PPP1R14C: variants seen among roughly 807,000 people sequenced by gnomAD.
PPP1R14C encodes the protein protein phosphatase 1 regulatory subunit 14C.
In PPP1R14C, 16 loss-of-function variants were observed where a neutral mutation model predicts 20.4. The observed-to-expected ratio is 0.78, with a 90% CI of 0.53 to 1.19. The LOEUF (loss-of-function observed/expected upper bound fraction) is 1.19. Ranked by LOEUF, PPP1R14C falls within the 50% of genes most tolerant of loss-of-function variation. The pLI is 0.00. For missense variants in PPP1R14C, 211 were observed against 220.1 expected (o/e 0.96, Z 0.26); for synonymous variants, 91 against 91.0 (o/e 1.00, Z 0.00).
At chr6:150,165,567 G>A (rs1362006611) in intron 1 of PPP1R14C, among the ~76,000 whole-genome samples, 1 of 152,152 alleles carries the variant, frequency 6.6e-6, no homozygotes, top group East Asian at 1.9e-4. Context: ...GCATAAAGTA[G>A]AACTAAAATA....
intron 2 of PPP1R14C, among the ~76,000 whole-genome samples, chr6:150,215,696 G>T (rs1159188789): frequency 2.6e-5 from 4 of 152,180 alleles, no homozygotes; most frequent in Non-Finnish European, 2.9e-5. Context: ...ATTTTAAAAA[G>T]ATAACGCAGG....
chr6:150,234,401 GAAAC>G (rs1181960719), intron 3 of PPP1R14C, among the ~76,000 whole-genome samples: 2 of 151,170 alleles, frequency 1.3e-5, no homozygotes, highest in African/African-American at 4.9e-5. Context: ...GGGCTCAAAA[GAAAC>G]AAACAACAAA....
Position 150,143,440 on chromosome 6 carries a change from A to G in PPP1R14C, c.248A>G (p.Lys83Arg), listed in dbSNP as rs771046477. 1 of 1,608,594 alleles carries G rather than the reference A, an allele frequency of 6.2e-7. No homozygotes were observed. The highest frequency in any genetic ancestry group is 8.5e-7 in the Non-Finnish European group (1 of 1,177,238). The part of the protein sequence containing the change: ...TVKYDRKELR[K>R]RLVLEEWIVE... ...AAATACGATCGTAAGGAGCTTCGGA[A>G]GCGGCTGGTGCTGGAGGAATGGATC... The change falls in exon 1 of 4, where the codon AAG becomes AGG. Residue 83 changes from lysine (K) to arginine (R), a missense_variant. By Grantham distance (26) the Lys-to-Arg change is conservative (BLOSUM62 2). Coordinates refer to ENST00000361131, the MANE Select transcript of PPP1R14C (RefSeq NM_030949.3). The surrounding 1 kb of genome is among the most constrained non-coding windows in gnomAD (Gnocchi z 5.6).
At chr6:150,243,232 A>G (rs1222535028) in intron 3 of PPP1R14C, among the ~76,000 whole-genome samples, 1 of 150,180 alleles carries the variant, frequency 6.7e-6, no homozygotes, top group Admixed American at 6.6e-5. Flanking sequence ...CCGGAGTGCA[A>G]TGGCACAATC....
intron 1 of PPP1R14C, among the ~76,000 whole-genome samples, chr6:150,148,755 A>G (rs1467684695): frequency 6.6e-6 from 1 of 152,232 alleles, no homozygotes; most frequent in Non-Finnish European, 1.5e-5. Flanking sequence ...CAACCTGTCA[A>G]CTACTAAGGA....
chr6:150,144,754 T>C (rs1436485908), intron 1 of PPP1R14C, among the ~76,000 whole-genome samples: 1 of 152,254 alleles, frequency 6.6e-6, no homozygotes, highest in East Asian at 1.9e-4. Context: ...TAATGAAGCT[T>C]GACTGTATGA....
rs1562280026 is a variant in PPP1R14C, at chr6:150,249,666, C to T, written c.*846C>T. 2.5e-6 allele frequency: 1 copy of T among 397,718 alleles called. No homozygotes were observed. The highest frequency in any genetic ancestry group is 4.4e-6 in the Non-Finnish European group (1 of 226,010). 24.6% of individuals were successfully genotyped at this position (397,718 alleles called of 1,614,324 possible). ...TATTTTGCATTGGAAAAAGGAAGCACTGTGTAGCAGTGAATTGTCTGCTTT... is the reference window on the plus strand; with the variant it reads ...TATTTTGCATTGGAAAAAGGAAGCATTGTGTAGCAGTGAATTGTCTGCTTT... On this transcript the variant is annotated 3_prime_UTR_variant, in exon 4 of 4. Transcript: ENST00000361131.
At chr6:150,179,282 T>G (rs751792448) in intron 1 of PPP1R14C, among the ~76,000 whole-genome samples, 1 of 152,086 alleles carries the variant, frequency 6.6e-6, no homozygotes, top group African/African-American at 2.4e-5. Flanking sequence ...TGCTAGCTAC[T>G]CAGGAGGCTG....
At chr6:150,216,970 G>T in intron 3 of PPP1R14C, 114 bp downstream of exon 3, 1 of 745,958 alleles carries the variant, frequency 1.3e-6, no homozygotes. Context: ...ATACCAATTA[G>T]CAATTATTAT....
chr6:150,236,286 G>A (rs1778359150), intron 3 of PPP1R14C, among the ~76,000 whole-genome samples: 1 of 151,060 alleles, frequency 6.6e-6, no homozygotes, highest in African/African-American at 2.5e-5. Context: ...AGTATGTGCT[G>A]TATCTGAGTC....
intron 1 of PPP1R14C, among the ~76,000 whole-genome samples, chr6:150,147,425 G>T (rs1029535509): frequency 2.0e-5 from 3 of 152,112 alleles, no homozygotes; most frequent in African/African-American, 7.2e-5. Context: ...TGATCCGACT[G>T]CCTCAGCCTC....
intron 1 of PPP1R14C, among the ~76,000 whole-genome samples, chr6:150,207,028 C>T (rs117612691): frequency 1.2e-4 from 19 of 152,118 alleles, no homozygotes; most frequent in East Asian, 9.7e-4. Context: ...CTATCCTCGT[C>T]TAATTTTTGT....
chr6:150,205,534 A>G (rs1174744988), intron 1 of PPP1R14C, among the ~76,000 whole-genome samples: 2 of 152,088 alleles, frequency 1.3e-5, no homozygotes, highest in East Asian at 3.9e-4. Flanking sequence ...TAAGAACAAA[A>G]TATATATATC....
intron 3 of PPP1R14C, among the ~76,000 whole-genome samples, chr6:150,239,393 T>C (rs1359273795): frequency 6.6e-6 from 1 of 152,186 alleles, no homozygotes; most frequent in African/African-American, 2.4e-5. Context: ...TTGATTACAG[T>C]GGAATTACAT....
chr6:150,245,378 G>A (rs934971729), intron 3 of PPP1R14C, among the ~76,000 whole-genome samples: 1 of 152,188 alleles, frequency 6.6e-6, no homozygotes, highest in African/African-American at 2.4e-5. Context: ...CTACTCCAGA[G>A]CCTCCAAGAG....
intron 1 of PPP1R14C, among the ~76,000 whole-genome samples, chr6:150,161,736 T>C (rs1777370833): frequency 1.3e-5 from 2 of 152,242 alleles, no homozygotes; most frequent in African/African-American, 2.4e-5. Context: ...TTTAACAGAC[T>C]CTACTTATTT....
chr6:150,194,449 A>G, intron 1 of PPP1R14C: 1 of 983,262 alleles, frequency 1.0e-6, no homozygotes, highest in Non-Finnish European at 1.2e-6. Context: ...ACAGGATTTT[A>G]AGTGGCATGT....
intron 1 of PPP1R14C, among the ~76,000 whole-genome samples, chr6:150,213,604 G>A (rs1022111633): frequency 2.6e-5 from 4 of 152,234 alleles, no homozygotes; most frequent in Admixed American, 6.5e-5. Context: ...GAGTTGGGCT[G>A]CCATGACTCC....
chr6:150,242,461 G>C (rs1582936030), intron 3 of PPP1R14C, among the ~76,000 whole-genome samples: 1 of 147,752 alleles, frequency 6.8e-6, no homozygotes, highest in East Asian at 2.0e-4. Context: ...CTAGGAGGGG[G>C]AAAAACCCCT....
Sources: gnomAD v4.1 joint callset for allele counts (sites outside exome capture counted in the v4.1 genomes callset) on GRCh38, gnomAD v4.1.1 for gene constraint, Gnocchi (gnomAD v3.1) non-coding constraint, MANE v1.5 for transcripts, NCBI Gene and HGNC (gene_info 2026-07-23, HGNC 2026-07-21) for gene names.